ADAMTS12: variants seen among roughly 807,000 people sequenced by gnomAD.
ADAMTS12 encodes the protein A disintegrin and metalloproteinase with thrombospondin motifs 12.
ADAMTS12 carries 118 observed loss-of-function variants against 167.8 expected under a neutral mutation model. The ratio of observed to expected loss-of-function variants is 0.70; its 90% confidence interval spans 0.61 to 0.82. ADAMTS12 has a LOEUF of 0.82. Ranked by LOEUF, ADAMTS12 falls within the 40% of genes least tolerant of loss-of-function variation. The pLI, the probability that ADAMTS12 is intolerant of heterozygous loss-of-function variation, is 0.00. For synonymous variants in ADAMTS12, 704 were observed against 716.9 expected, an observed-to-expected ratio of 0.98 and a Z score of 0.29; for missense variants, 1,916 against 1,998.8, an observed-to-expected ratio of 0.96 and a Z score of 0.79.
intron 19 of ADAMTS12, among the ~76,000 whole-genome samples, chr5:33,564,000 C>T (rs1206583463): frequency 1.3e-5 from 2 of 152,210 alleles, no homozygotes; most frequent in East Asian, 3.8e-4. Flanking sequence ...AAGGTTTACA[C>T]CTACTTACAG....
chr5:33,706,245 T>C (rs185052870), intron 3 of ADAMTS12, among the ~76,000 whole-genome samples: 1 of 152,298 alleles, frequency 6.6e-6, no homozygotes, highest in East Asian at 1.9e-4. Flanking sequence ...GTTCAAGTCC[T>C]GAATATCCTT....
chr5:33,577,161 C>G lies in ADAMTS12; in HGVS notation c.2866-1G>C. ...CTCCACCACCACAGGAAACAGAACA[C>G]TAGAAGAGAGAAACAGCTGTTAGCC... On this transcript the variant is annotated splice_acceptor_variant, in intron 18 of 23. Coordinates refer to ENST00000504830, the MANE Select transcript of ADAMTS12 (RefSeq NM_030955.4). LOFTEE classifies it high-confidence loss of function. 6.2e-7 allele frequency: 1 copy of G among 1,614,114 alleles called. No homozygotes were observed. The highest frequency in any genetic ancestry group is 8.5e-7 in the Non-Finnish European group (1 of 1,180,008).
At chr5:33,758,002 A>C (rs1184682985) in intron 2 of ADAMTS12, among the ~76,000 whole-genome samples, 2 of 152,170 alleles carry the variant, frequency 1.3e-5, no homozygotes, top group African/African-American at 4.8e-5. Flanking sequence ...AAGTAACTGA[A>C]GCCTACGCCT....
intron 7 of ADAMTS12, among the ~76,000 whole-genome samples, chr5:33,651,646 A>T (rs577736545): frequency 6.6e-6 from 1 of 152,088 alleles, no homozygotes; most frequent in Admixed American, 6.5e-5. Flanking sequence ...GTTTTTTTCT[A>T]TTCTTTATTT....
chr5:33,739,518 T>G (rs1579892752), intron 3 of ADAMTS12, among the ~76,000 whole-genome samples: 1 of 152,360 alleles, frequency 6.6e-6, no homozygotes, highest in East Asian at 1.9e-4. Flanking sequence ...CTCACACATC[T>G]GATGCCAGGA....
chr5:33,764,305 G>A (rs2112414726), intron 2 of ADAMTS12, among the ~76,000 whole-genome samples: 1 of 152,242 alleles, frequency 6.6e-6, no homozygotes, highest in South Asian at 2.1e-4. Context: ...TCTGCCTTCT[G>A]GAACTATATC....
intron 19 of ADAMTS12, among the ~76,000 whole-genome samples, chr5:33,562,771 A>G (rs1745810565): frequency 6.6e-6 from 1 of 152,034 alleles, no homozygotes. Context: ...AGCTGGAATT[A>G]CAGGTGTGTG....
chr5:33,646,951 TC>T (rs1460247196), intron 9 of ADAMTS12, among the ~76,000 whole-genome samples: 9 of 151,880 alleles, frequency 5.9e-5, no homozygotes, highest in South Asian at 4.2e-4. Flanking sequence ...TAAATGAGAT[TC>T]AAAAGTCAAT....
chr5:33,651,141 T>C (rs1740855271), intron 7 of ADAMTS12, among the ~76,000 whole-genome samples: 1 of 152,150 alleles, frequency 6.6e-6, no homozygotes, highest in Non-Finnish European at 1.5e-5. Context: ...AACGAAAGCT[T>C]CCTTCTGAGC....
At chr5:33,629,846 T>A (rs1254769118) in intron 13 of ADAMTS12, among the ~76,000 whole-genome samples, 2 of 152,232 alleles carry the variant, frequency 1.3e-5, no homozygotes. Flanking sequence ...AACTGTGGCA[T>A]ACATATTCCC....
intron 3 of ADAMTS12, among the ~76,000 whole-genome samples, chr5:33,709,309 C>T (rs1408511764): frequency 2.6e-5 from 4 of 152,092 alleles, no homozygotes; most frequent in Admixed American, 2.6e-4. Context: ...TCCTCAAAGA[C>T]CTAGAACCAG....
At chr5:33,656,729 G>A (rs1201886055) in intron 7 of ADAMTS12, among the ~76,000 whole-genome samples, 1 of 152,192 alleles carries the variant, frequency 6.6e-6, no homozygotes, top group Middle Eastern at 3.2e-3. Flanking sequence ...TGTCTTGACT[G>A]AAGGCCACAG....
chr5:33,676,077 G>T (rs1366713929), intron 5 of ADAMTS12, among the ~76,000 whole-genome samples: 4 of 151,734 alleles, frequency 2.6e-5, no homozygotes, highest in African/African-American at 9.7e-5. Context: ...TTTCACTTCA[G>T]CTTCTCAAGC....
chr5:33,719,688 C>T (rs1207795384), intron 3 of ADAMTS12, among the ~76,000 whole-genome samples: 1 of 152,214 alleles, frequency 6.6e-6, no homozygotes, highest in Non-Finnish European at 1.5e-5. Flanking sequence ...TAGGACAACT[C>T]AACTCCTAGC....
chr5:33,689,261 T>C (rs1742461330), intron 3 of ADAMTS12, among the ~76,000 whole-genome samples: 1 of 152,214 alleles, frequency 6.6e-6, no homozygotes, highest in Non-Finnish European at 1.5e-5. Flanking sequence ...ATAGAGTTTA[T>C]TCAAAGTCTC....
chr5:33,556,836 T>C (rs192999513), intron 20 of ADAMTS12, among the ~76,000 whole-genome samples: 18 of 152,318 alleles, frequency 1.2e-4, no homozygotes, highest in African/African-American at 4.3e-4. Flanking sequence ...CAGCTGTGTG[T>C]GGGAGCCGGA....
intron 13 of ADAMTS12, among the ~76,000 whole-genome samples, chr5:33,627,099 GTGA>G (rs988324491): frequency 4.0e-5 from 6 of 148,926 alleles, no homozygotes; most frequent in African/African-American, 9.9e-5. Flanking sequence ...GGTGGTGGTG[GTGA>G]TGATGGTTGT....
chr5:33,872,400 A>G (rs1321103263), intron 2 of ADAMTS12, among the ~76,000 whole-genome samples: 1 of 152,068 alleles, frequency 6.6e-6, no homozygotes, highest in Non-Finnish European at 1.5e-5. Flanking sequence ...TACAAAAATT[A>G]GCCGGGTATG....
intron 2 of ADAMTS12, among the ~76,000 whole-genome samples, chr5:33,805,267 A>T (rs1747180965): frequency 6.6e-6 from 1 of 152,216 alleles, no homozygotes; most frequent in African/African-American, 2.4e-5. Context: ...CTTGCTAATT[A>T]TTATATAACA....
Sources: allele counts gnomAD v4.1 joint callset (sites outside exome capture counted in the v4.1 genomes callset), GRCh38; gene constraint gnomAD v4.1.1; transcripts MANE v1.5; gene names NCBI Gene and HGNC (gene_info 2026-07-23, HGNC 2026-07-21).